CLTCL1: variants seen among roughly 807,000 people sequenced by gnomAD.
CLTCL1 encodes the protein clathrin heavy chain 2.
In CLTCL1, 159 loss-of-function variants were observed where a neutral mutation model predicts 190.0. The ratio of observed to expected loss-of-function variants is 0.84; its 90% CI spans 0.74 to 0.95. The LOEUF (loss-of-function observed/expected upper bound fraction) is 0.95, where lower values mean the gene tolerates loss of function less well. Ranked by LOEUF, CLTCL1 falls within the 40% of genes least tolerant of loss-of-function variation. The pLI is 0.00. For missense variants in CLTCL1, 1,878 were observed against 2,033.4 expected (o/e 0.92, Z 1.47); for synonymous variants, 752 against 769.6 (o/e 0.98, Z 0.38).
At chr22:19,263,906 T>C (rs567548064) in intron 2 of CLTCL1, among the ~76,000 whole-genome samples, 2 of 152,180 alleles carry the variant, frequency 1.3e-5, no homozygotes, top group African/African-American at 4.8e-5. Flanking sequence ...CTTCAAGGTA[T>C]GCCTGTATAT....
At chr22:19,264,304 A>C (rs2087049342) in intron 2 of CLTCL1, among the ~76,000 whole-genome samples, 1 of 152,116 alleles carries the variant, frequency 6.6e-6, no homozygotes, top group South Asian at 2.1e-4. Flanking sequence ...AACAAGTGTT[A>C]GCAAGAATGT....
Position 19,219,961 on chromosome 22 carries a change from A to C in CLTCL1, c.2843T>G (p.Val948Gly), listed in dbSNP as rs200181618. ...SLFKSEARYLVCRKDPELWAH... is the reference protein window; with the variant it reads ...SLFKSEARYLGCRKDPELWAH... Reference sequence around the variant, plus strand: ...CCAGAGCTCCGGATCCTTTCTGCATACCAGGTAGCGGGCCTCGCTTTTGAA... The same window carrying C: ...CCAGAGCTCCGGATCCTTTCTGCATCCCAGGTAGCGGGCCTCGCTTTTGAA... Residue 948 changes from valine to glycine, a missense_variant, in exon 18 of 33, where the codon GTA (valine) becomes GGA (glycine). By Grantham distance (109) the Val-to-Gly change is moderately radical. Coordinates refer to ENST00000427926, the MANE Select transcript of CLTCL1 (RefSeq NM_007098.4). 139 of 1,613,900 alleles carry C rather than the reference A, an allele frequency of 8.6e-5. No individual in the cohort carries two copies. The highest frequency in any genetic ancestry group is 1.7e-5 in the Non-Finnish European group (20 of 1,179,902).
chr22:19,291,218 G>A (rs2088105839), intron 1 of CLTCL1, among the ~76,000 whole-genome samples: 2 of 152,224 alleles, frequency 1.3e-5, no homozygotes, highest in African/African-American at 4.8e-5. Context: ...CAAACTCAGG[G>A]GCGAATAAGG....
At chr22:19,246,253 G>C (rs2086414949) in intron 3 of CLTCL1, among the ~76,000 whole-genome samples, 1 of 151,660 alleles carries the variant, frequency 6.6e-6, no homozygotes, top group Non-Finnish European at 1.5e-5. Flanking sequence ...GTAGAGACAG[G>C]GTTTCACCGT....
intron 2 of CLTCL1, among the ~76,000 whole-genome samples, chr22:19,264,412 T>G (rs1206742263): frequency 2.0e-5 from 3 of 152,090 alleles, no homozygotes; most frequent in Non-Finnish European, 2.9e-5. Context: ...AAATGAATAA[T>G]GATATGATCC....
intron 13 of CLTCL1, among the ~76,000 whole-genome samples, chr22:19,225,200 C>T (rs1555955072): frequency 6.6e-6 from 1 of 152,212 alleles, no homozygotes; most frequent in African/African-American, 2.4e-5. Flanking sequence ...ACACACCGGG[C>T]TCCATAAGTT....
rs9618521 is a variant in CLTCL1 at position 19,257,864 on chromosome 22, G to A, written c.251-3637C>T. 2,057 of 1,407,648 alleles carry A rather than the reference G, an allele frequency of 1.5e-3. 15 individuals are homozygous for A. The African/African-American group carries it at 0.024, about 16-fold the overall frequency. 87.2% of individuals were successfully genotyped at this position (1,407,648 alleles called of 1,614,324 possible). On this transcript the variant is annotated intron_variant, in intron 2 of 32. Transcript: ENST00000427926. The stretch of plus-strand genomic sequence containing the variant: ...AGAGGCTGGAGAGCAAAAACCGGGA[G>A]CACCTGGAGAAGAAGAGACCCCAGG...
chr22:19,235,327 G>A (rs1169256103), intron 6 of CLTCL1, among the ~76,000 whole-genome samples: 1 of 152,174 alleles, frequency 6.6e-6, no homozygotes, highest in African/African-American at 2.4e-5. Context: ...AAACTATTGT[G>A]CCCAGCCAAG....
At chr22:19,253,315 T>C (rs2086654777) in intron 3 of CLTCL1, among the ~76,000 whole-genome samples, 1 of 152,064 alleles carries the variant, frequency 6.6e-6, no homozygotes, top group South Asian at 2.1e-4. Flanking sequence ...GTGTGTGCAA[T>C]TACCAAGGAC....
intron 1 of CLTCL1, among the ~76,000 whole-genome samples, chr22:19,281,913 C>T (rs1601735992): frequency 6.6e-6 from 1 of 152,220 alleles, no homozygotes; most frequent in East Asian, 1.9e-4. Context: ...AAGTCCCTCA[C>T]AAATAAGACA....
intron 22 of CLTCL1, among the ~76,000 whole-genome samples, chr22:19,203,269 C>T (rs1369507389): frequency 6.6e-6 from 1 of 152,154 alleles, no homozygotes; most frequent in Non-Finnish European, 1.5e-5. Context: ...GAGCTGAGAT[C>T]GCACCACTGC....
At chr22:19,246,444 T>C (rs1555968022) in intron 3 of CLTCL1, among the ~76,000 whole-genome samples, 1 of 152,014 alleles carries the variant, frequency 6.6e-6, no homozygotes, top group Non-Finnish European at 1.5e-5. Flanking sequence ...TGTAGGAGGG[T>C]TCCAATTTCT....
Position 19,222,769 on chromosome 22 carries a change from C to T in CLTCL1, c.2333G>A (p.Cys778Tyr). Residue 778 changes from cysteine to tyrosine, a missense_variant, in exon 15 of 33, where the codon TGT (cysteine) becomes TAT (tyrosine). By Grantham distance (194) the Cys-to-Tyr change is radical (BLOSUM62 -2). Coordinates refer to ENST00000427926, the MANE Select transcript of CLTCL1 (RefSeq NM_007098.4). ...GTCATGGACAAAGCCAAAACGATCA[C>T]ACACGATGATGAGGGGAAGCTGGTC... ...LTDQLPLIIV[C>Y]DRFGFVHDLV... The T allele has an allele frequency of 2.5e-6, 4 of 1,600,924 alleles. No homozygotes were observed. Among genetic ancestry groups the T allele is most frequent in the Non-Finnish European group, 3.4e-6 (4 of 1,173,804 alleles).
At chr22:19,191,219 A>C in intron 27 of CLTCL1, 85 bp downstream of exon 27, 3 of 1,538,976 alleles carry the variant, frequency 1.9e-6, no homozygotes, top group Non-Finnish European at 1.8e-6. Flanking sequence ...CATTTCAAAA[A>C]CTCTTTATAA....
intron 2 of CLTCL1, among the ~76,000 whole-genome samples, 184 bp downstream of exon 2, chr22:19,275,438 CT>C (rs200382094): frequency 0.017 from 2,634 of 152,160 alleles, 70 homozygotes; most frequent in African/African-American, 0.059. Context: ...TACCAAGAAG[CT>C]CTGGTGCTCA....
At chr22:19,183,016 G>A (rs1254434154) in intron 30 of CLTCL1, 5 of 274,070 alleles carry the variant, frequency 1.8e-5, no homozygotes, top group African/African-American at 6.6e-5. Context: ...ACCCCCAGAC[G>A]CCACTGGGAG....
In CLTCL1 at chr22:19,275,690, C is replaced by G; in HGVS notation, c.183G>C (p.Pro61=). ...TCTCTGCAGAGATAGGCCGTCGGAT[C>G]GGAGCCATTGGGTCACTCATGTCAA... ...TIIDMSDPMA[P]IRRPISAESA... Residue 61 remains proline, a synonymous_variant, in exon 2 of 33, where the codon CCG becomes CCC. Transcript: ENST00000427926. The G allele has an allele frequency of 6.2e-7, 1 of 1,606,234 alleles. No individual in the cohort carries two copies. The highest frequency in any genetic ancestry group is 1.7e-4 in the Middle Eastern group (1 of 6,058).
intron 2 of CLTCL1, among the ~76,000 whole-genome samples, chr22:19,272,198 A>G (rs1315140531): frequency 6.6e-6 from 1 of 152,206 alleles, no homozygotes; most frequent in Non-Finnish European, 1.5e-5. Flanking sequence ...CTAAAATCAC[A>G]AGCAACAGAT....
At chr22:19,203,860 A>G (rs930395685) in intron 22 of CLTCL1, among the ~76,000 whole-genome samples, 8 of 152,000 alleles carry the variant, frequency 5.3e-5, no homozygotes, top group African/African-American at 1.7e-4. Context: ...GTCCTCACAC[A>G]CTGTCCCCAC....
Sources: gnomAD v4.1 joint callset for allele counts (sites outside exome capture counted in the v4.1 genomes callset) on GRCh38, gnomAD v4.1.1 for gene constraint, MANE v1.5 for transcripts, NCBI Gene and HGNC (gene_info 2026-07-23, HGNC 2026-07-21) for gene names.